The following DCC variants were observed in gnomAD, a reference collection of about 807,000 sequenced individuals.
The protein encoded by DCC is DCC netrin 1 receptor.
In DCC, 58 loss-of-function variants were observed where a neutral mutation model predicts 172.5. The observed-to-expected ratio is 0.34, with a 90% CI of 0.27 to 0.42. The LOEUF is 0.42. Among genes scored for constraint, DCC ranks in the 10% least tolerant of loss-of-function variants. DCC has a pLI of 1.00. For missense variants in DCC, 1,740 were observed against 1,791.0 expected (o/e 0.97, Z 0.51); for synonymous variants, 709 against 644.5 (o/e 1.10, Z -1.52).
At chr18:53,507,454 C>T (rs1423364516) in intron 27 of DCC, among the ~76,000 whole-genome samples, 2 of 152,204 alleles carry the variant, frequency 1.3e-5, no homozygotes, top group African/African-American at 4.8e-5. Context: ...TCTTATCTTA[C>T]TAGCAGGGAC....
At chr18:53,239,618 A>G (rs2056258635) in intron 12 of DCC, among the ~76,000 whole-genome samples, 1 of 152,140 alleles carries the variant, frequency 6.6e-6, no homozygotes, top group African/African-American at 2.4e-5. Flanking sequence ...CATGAACACA[A>G]AGAAAAATAT....
At chr18:53,502,850 T>A (rs564313990) in intron 27 of DCC, among the ~76,000 whole-genome samples, 223 of 152,188 alleles carry the variant, frequency 1.5e-3, no homozygotes, top group Middle Eastern at 3.4e-3. Flanking sequence ...CTTTTTTTTT[T>A]AAATTTATTT....
chr18:53,179,958 T>C (rs1269471199), intron 9 of DCC, among the ~76,000 whole-genome samples: 1 of 152,222 alleles, frequency 6.6e-6, no homozygotes, highest in Admixed American at 6.5e-5. Flanking sequence ...TGTACCTGTT[T>C]CCTTTTTATA....
intron 21 of DCC, among the ~76,000 whole-genome samples, chr18:53,429,065 A>ATATATAATATATTATATATTT (rs1911401202): frequency 3.8e-5 from 1 of 26,036 alleles, no homozygotes; most frequent in African/African-American, 8.2e-5. Context: ...TATATATTTT[A>ATATATAATATATTATATATTT]TATATAATAT....
intron 5 of DCC, among the ~76,000 whole-genome samples, chr18:52,972,327 A>T (rs1488839356): frequency 6.6e-6 from 1 of 152,188 alleles, no homozygotes; most frequent in Admixed American, 6.5e-5. Flanking sequence ...GTAACATGCC[A>T]CTAAAAATAC....
At chr18:52,352,316 T>C (rs1984160290) in intron 1 of DCC, among the ~76,000 whole-genome samples, 2 of 152,100 alleles carry the variant, frequency 1.3e-5, no homozygotes, top group African/African-American at 2.4e-5. Flanking sequence ...CTCAATTTTA[T>C]TGTTGTGATT....
intron 5 of DCC, among the ~76,000 whole-genome samples, chr18:52,930,915 T>C (rs1220795514): frequency 6.6e-6 from 1 of 152,120 alleles, no homozygotes; most frequent in African/African-American, 2.4e-5. Flanking sequence ...AAAAATCTGG[T>C]TATGGATTAC....
At chr18:53,317,716 G>T (rs934838935) in intron 13 of DCC, among the ~76,000 whole-genome samples, 2 of 152,046 alleles carry the variant, frequency 1.3e-5, no homozygotes, top group Admixed American at 1.3e-4. Flanking sequence ...CGGGCAGGGG[G>T]CATATGTGTC....
At chr18:53,186,378 G>A (rs557878400) in intron 9 of DCC, among the ~76,000 whole-genome samples, 3 of 152,252 alleles carry the variant, frequency 2.0e-5, no homozygotes, top group South Asian at 2.1e-4. Context: ...CGTGAAAGCG[G>A]TTGGTTTGCT....
chr18:52,607,684 A>G (rs575203863), intron 1 of DCC, among the ~76,000 whole-genome samples: 1 of 152,300 alleles, frequency 6.6e-6, no homozygotes, highest in Admixed American at 6.5e-5. Flanking sequence ...TGGTATCATA[A>G]AGAATACAAA....
chr18:53,321,928 C>A, intron 13 of DCC, 119 bp from the exon 14 acceptor site: 1 of 760,100 alleles, frequency 1.3e-6, no homozygotes, highest in Non-Finnish European at 2.4e-6. Flanking sequence ...CCACAACAGT[C>A]ACAAACAATG....
chr18:52,555,413 AGAGTCAGTCGATGTTTCCT>A (rs2032890009), intron 1 of DCC, among the ~76,000 whole-genome samples: 1 of 152,148 alleles, frequency 6.6e-6, no homozygotes, highest in Non-Finnish European at 1.5e-5. Flanking sequence ...CATGGACATT[AGAGTCAGTCGATGTTTCCT>A]AATTTAGTGA....
intron 7 of DCC, among the ~76,000 whole-genome samples, chr18:53,107,152 C>T (rs1306591241): frequency 1.3e-5 from 2 of 151,708 alleles, no homozygotes; most frequent in Non-Finnish European, 2.9e-5. Context: ...TCATTTTACC[C>T]AGCCCCTATT....
chr18:53,410,363 G>T, intron 19 of DCC, 89 bp from the exon 20 acceptor site: 1 of 809,606 alleles, frequency 1.2e-6, no homozygotes, highest in South Asian at 1.4e-5. Context: ...AATAATTATT[G>T]TAAATTACAT....
At chr18:53,137,822 T>A (rs2043768124) in intron 7 of DCC, among the ~76,000 whole-genome samples, 1 of 152,078 alleles carries the variant, frequency 6.6e-6, no homozygotes, top group Non-Finnish European at 1.5e-5. Context: ...ATAATATTAC[T>A]ATTTTTTTTT....
At chr18:52,578,740 G>A (rs2033474869) in intron 1 of DCC, among the ~76,000 whole-genome samples, 1 of 152,210 alleles carries the variant, frequency 6.6e-6, no homozygotes, top group African/African-American at 2.4e-5. Flanking sequence ...GGTGGCTCAT[G>A]CCTGTAATCC....
At chr18:52,524,335 A>T (rs1568211973) in intron 1 of DCC, among the ~76,000 whole-genome samples, 1 of 152,238 alleles carries the variant, frequency 6.6e-6, no homozygotes, top group Non-Finnish European at 1.5e-5. Flanking sequence ...TATACAAAAA[A>T]TATTCTAACA....
In DCC at chr18:53,004,220, T is replaced by G. The variant is rs146045426; in HGVS notation, c.986-59085T>G. The stretch of plus-strand genomic sequence containing the variant: ...AAATGTGTGAATGATTTTCTGTGTA[T>G]GTCCAAAACTACTTTTTATATGGAG... On this transcript the variant is annotated intron_variant, in intron 5 of 28. Coordinates refer to ENST00000442544, the MANE Select transcript of DCC (RefSeq NM_005215.4). 8.2e-3 allele frequency among the ~76,000 whole-genome samples: 1,245 copies of G among 152,346 alleles called. 7 individuals carry two copies. Among genetic ancestry groups the G allele is most frequent in the Non-Finnish European group, 0.014 (966 of 68,028 alleles).
At chr18:53,154,216 G>A (rs1034342939) in intron 7 of DCC, among the ~76,000 whole-genome samples, 1 of 152,098 alleles carries the variant, frequency 6.6e-6, no homozygotes, top group African/African-American at 2.4e-5. Context: ...TCCCCGATGG[G>A]ATTTGCCCTT....
Sources: gnomAD v4.1 joint callset for allele counts (sites outside exome capture counted in the v4.1 genomes callset) on GRCh38, gnomAD v4.1.1 for gene constraint, MANE v1.5 for transcripts, NCBI Gene and HGNC (gene_info 2026-07-23, HGNC 2026-07-21) for gene names.